WFDC1: variants seen among roughly 807,000 people sequenced by gnomAD.
WFDC1 encodes the protein WAP four-disulfide core domain protein 1.
A neutral mutation model predicts 32.9 loss-of-function variants in WFDC1; 39 were observed. That is an observed-to-expected ratio of 1.19 (90% CI 0.92 to 1.55). The LOEUF (loss-of-function observed/expected upper bound fraction) is 1.55. Among genes scored for constraint, WFDC1 ranks in the 40% most tolerant of loss-of-function variants. The pLI is 0.00. For missense variants in WFDC1, 386 were observed against 309.5 expected (o/e 1.25, Z -1.85); for synonymous variants, 184 against 137.4 (o/e 1.34, Z -2.37).
chr16:84,318,426 C>A, intron 3 of WFDC1, 71 bp downstream of exon 3: 1 of 1,497,112 alleles, frequency 6.7e-7, no homozygotes, highest in Non-Finnish European at 9.3e-7. Flanking sequence ...TTCCAGAAAG[C>A]TGGCAGCACC....
At chr16:84,312,877 A>T in intron 1 of WFDC1, 84 bp from the exon 2 acceptor site, 1 of 874,978 alleles carries the variant, frequency 1.1e-6, no homozygotes, top group Non-Finnish European at 1.4e-6. Flanking sequence ...GGCCCGGCGC[A>T]CTGCCCACCC....
intron 5 of WFDC1, 102 bp from the exon 6 acceptor site, chr16:84,326,780 G>A (rs1201229638): frequency 4.2e-6 from 6 of 1,412,300 alleles, no homozygotes; most frequent in African/African-American, 1.4e-5. Flanking sequence ...GGAGGAGAGG[G>A]CCAGGTCACC....
chr16:84,304,369 T>C (rs1597666139), intron 1 of WFDC1, among the ~76,000 whole-genome samples: 1 of 151,832 alleles, frequency 6.6e-6, no homozygotes. Context: ...GCTGGGATTA[T>C]AGGCACCCGC....
Position 84,294,880 on chromosome 16 carries a change from A to G in WFDC1, c.-92A>G, listed in dbSNP as rs570423660. On this transcript the variant is annotated 5_prime_UTR_variant, in exon 1 of 7. Coordinates refer to ENST00000219454, the MANE Select transcript of WFDC1 (RefSeq NM_021197.4). ...GGGTGGAACTAAGAAAGTCCAGCAG[A>G]CTGTGCACGCTCCTGTCCCCACTCA... The G allele has an allele frequency of 4.0e-6, 6 of 1,511,014 alleles. No homozygotes were observed. In the South Asian group the frequency reaches 6.6e-5, roughly 17 times the overall value. The allele number at this position is 1,511,014 out of a possible 1,614,324, so 93.6% of individuals were successfully genotyped here. A position where few individuals can be genotyped will look rare whatever the true frequency, so the allele number is the denominator to read the frequency against.
chr16:84,322,839 G>A (rs997536833), intron 4 of WFDC1, among the ~76,000 whole-genome samples: 1 of 152,224 alleles, frequency 6.6e-6, no homozygotes, highest in African/African-American at 2.4e-5. Flanking sequence ...TCACACAGAA[G>A]CTGAGCTGCG....
chr16:84,304,823 T>C (rs138740404), intron 1 of WFDC1, among the ~76,000 whole-genome samples: 199 of 152,286 alleles, frequency 1.3e-3, no homozygotes, highest in African/African-American at 4.5e-3. Context: ...GACAAATGTG[T>C]ACCTGGGGGC....
chr16:84,298,145 T>A (rs909532601), intron 1 of WFDC1, among the ~76,000 whole-genome samples: 2 of 152,190 alleles, frequency 1.3e-5, no homozygotes, highest in African/African-American at 4.8e-5. Flanking sequence ...AGAATTTTTT[T>A]TTTTTAAGAC....
chr16:84,315,840 T>C (rs1907916040), intron 2 of WFDC1, among the ~76,000 whole-genome samples: 2 of 151,332 alleles, frequency 1.3e-5, no homozygotes, highest in Admixed American at 6.6e-5. Context: ...GATTTGGGTC[T>C]GTCCAAAGCA....
At position 84,318,689 on chromosome 16, in the gene WFDC1, C is replaced by T. The variant is rs1023838040; in HGVS notation, c.421+334C>T. On this transcript the variant is annotated intron_variant, in intron 3 of 6. Coordinates refer to ENST00000219454, the MANE Select transcript of WFDC1 (RefSeq NM_021197.4). The stretch of plus-strand genomic sequence containing the variant: ...CACCGCTCTCTAATGATGAAGCCTC[C>T]CTGGGGGTGGGGGAGGTACCAGGAG... 1.4e-4 allele frequency: 37 copies of T among 256,108 alleles called. 1 individual carries two copies. The highest frequency in any genetic ancestry group is 7.4e-4 in the African/African-American group (34 of 46,250). The allele number at this position is 256,108 out of a possible 1,614,324, so 15.9% of individuals were successfully genotyped here.
At chr16:84,324,091 G>A (rs1053925061) in intron 4 of WFDC1, among the ~76,000 whole-genome samples, 1 of 151,602 alleles carries the variant, frequency 6.6e-6, no homozygotes, top group South Asian at 2.1e-4. Context: ...CTGCACTCCA[G>A]CCTGGGCAAC....
At chr16:84,305,930 GA>G (rs1339251734) in intron 1 of WFDC1, among the ~76,000 whole-genome samples, 2 of 152,026 alleles carry the variant, frequency 1.3e-5, no homozygotes, top group Non-Finnish European at 2.9e-5. Context: ...TTGAGTCTGG[GA>G]GGCGGAGGTT....
chr16:84,301,626 A>G (rs962917134), intron 1 of WFDC1, among the ~76,000 whole-genome samples: 1 of 152,106 alleles, frequency 6.6e-6, no homozygotes, highest in Non-Finnish European at 1.5e-5. Flanking sequence ...AACCCCAGAA[A>G]AGCCCCGGAG....
At position 84,315,520 on chromosome 16, in the gene WFDC1, A is replaced by T. The variant is rs1047864843; in HGVS notation, c.337+2367A>T. Among the ~76,000 whole-genome samples the T allele has an allele frequency of 2.6e-5, 4 of 152,216 alleles. No homozygotes were observed. The East Asian group carries it at 7.7e-4, about 29-fold the overall frequency. Reference sequence around the variant, plus strand: ...ACTAGCCAGCAGGAAGAGCAATCATACTACTAGTGAGTAATAACAACAATG... The same window carrying T: ...ACTAGCCAGCAGGAAGAGCAATCATTCTACTAGTGAGTAATAACAACAATG... On this transcript the variant is annotated intron_variant, in intron 2 of 6. Transcript: ENST00000219454.
chr16:84,314,265 G>A (rs1287032169), intron 2 of WFDC1, among the ~76,000 whole-genome samples: 2 of 152,174 alleles, frequency 1.3e-5, no homozygotes, highest in Admixed American at 1.3e-4. Flanking sequence ...GGAAGGAGGT[G>A]ACCCCGTCGG....
At chr16:84,306,186 C>G (rs936846398) in intron 1 of WFDC1, among the ~76,000 whole-genome samples, 8 of 152,104 alleles carry the variant, frequency 5.3e-5, no homozygotes, top group Non-Finnish European at 1.2e-4. Flanking sequence ...AGATGACGCT[C>G]AGATACGTTA....
chr16:84,305,478 C>T (rs910322095), intron 1 of WFDC1, among the ~76,000 whole-genome samples: 1 of 152,196 alleles, frequency 6.6e-6, no homozygotes, highest in African/African-American at 2.4e-5. Flanking sequence ...TCCCACTTTT[C>T]ACTGTTGCTG....
At chr16:84,321,982 T>C (rs1156243406) in intron 4 of WFDC1, among the ~76,000 whole-genome samples, 1 of 152,164 alleles carries the variant, frequency 6.6e-6, no homozygotes, top group African/African-American at 2.4e-5. Flanking sequence ...GAGAAACACG[T>C]ATGAAGTGCT....
At chr16:84,301,027 A>T (rs1337177717) in intron 1 of WFDC1, among the ~76,000 whole-genome samples, 1 of 151,936 alleles carries the variant, frequency 6.6e-6, no homozygotes, top group African/African-American at 2.4e-5. Flanking sequence ...ACATGGAGAG[A>T]AGGCCATGCA....
At position 84,309,427 on chromosome 16, in the gene WFDC1, G is replaced by A. The variant is rs185909143; in HGVS notation, c.145-3534G>A. Among the ~76,000 whole-genome samples, 49 of 152,214 alleles carry A rather than the reference G, an allele frequency of 3.2e-4. 1 individual carries two copies. The highest frequency in any genetic ancestry group is 1.2e-3 in the Admixed American group (18 of 15,290). Reference sequence around the variant, plus strand: ...ATAAAGCCTCTTTGGGCTGCAGTTTGGAGAATGGATGGATTTGGAGGCATC... The same window carrying A: ...ATAAAGCCTCTTTGGGCTGCAGTTTAGAGAATGGATGGATTTGGAGGCATC... On this transcript the variant is annotated intron_variant, in intron 1 of 6. Transcript: ENST00000219454.
Sources: allele counts gnomAD v4.1 joint callset (sites outside exome capture counted in the v4.1 genomes callset), GRCh38; gene constraint gnomAD v4.1.1; transcripts MANE v1.5; gene names NCBI Gene and HGNC (gene_info 2026-07-23, HGNC 2026-07-21).